Variants in ODAD2 observed in about 807,000 individuals in gnomAD.
The protein encoded by ODAD2 is outer dynein arm docking complex subunit 2, also known as outer dynein arm-docking complex subunit 2.
Under a neutral mutation model 106.8 loss-of-function variants are expected in ODAD2, and 89 were observed. The observed-to-expected ratio is 0.83, with a 90% CI of 0.70 to 0.99. The LOEUF (loss-of-function observed/expected upper bound fraction) is 0.99. ODAD2 is among the 50% of genes least tolerant of loss of function. ODAD2 has a pLI of 0.00. For synonymous variants in ODAD2, 404 were observed against 436.2 expected, an observed-to-expected ratio of 0.93 and a Z score of 0.92; for missense variants, 1,168 against 1,238.5, an observed-to-expected ratio of 0.94 and a Z score of 0.85.
chr10:27,845,550 G>A (rs1174976042), intron 19 of ODAD2, among the ~76,000 whole-genome samples: 3 of 152,138 alleles, frequency 2.0e-5, no homozygotes, highest in African/African-American at 7.2e-5. Context: ...CACAATGACA[G>A]GATCAAATTC....
intron 1 of ODAD2, among the ~76,000 whole-genome samples, chr10:27,998,314 G>C (rs890240115): frequency 6.6e-6 from 1 of 152,134 alleles, no homozygotes; most frequent in African/African-American, 2.4e-5. Flanking sequence ...AGCCTAGTGT[G>C]GGATGACGGC....
At position 27,812,745 on chromosome 10, in the gene ODAD2, A is replaced by G. The variant is rs1055284196; in HGVS notation, c.3022-120T>C. ...ATTTTTTTAAAACCACCAAAAAAGC[A>G]TAAGAAATTCCATTTAAGCAAATAC... is the stretch of plus-strand genomic sequence containing the variant. On this transcript the variant is annotated intron_variant, in intron 19 of 19. Transcript: ENST00000305242. The G allele has an allele frequency of 4.4e-6, 6 of 1,359,898 alleles. No homozygotes were observed. In the African/African-American group the frequency reaches 7.5e-5, roughly 17 times the overall value. The allele number at this position is 1,359,898 out of a possible 1,614,324, so 84.2% of individuals were successfully genotyped here. A position where few individuals can be genotyped will look rare whatever the true frequency, so the allele number is the denominator to read the frequency against.
At chr10:27,913,838 T>C (rs553737845) in intron 16 of ODAD2, among the ~76,000 whole-genome samples, 11 of 152,274 alleles carry the variant, frequency 7.2e-5, no homozygotes, top group Non-Finnish European at 1.2e-4. Flanking sequence ...AAATAACAGA[T>C]GCTGGCAAGG....
At chr10:27,945,048 A>T in intron 10 of ODAD2, 86 bp from the exon 11 acceptor site, 1 of 1,494,840 alleles carries the variant, frequency 6.7e-7, no homozygotes, top group Non-Finnish European at 9.2e-7. Context: ...CATGAACTGG[A>T]AAACATGTCT....
At chr10:27,908,389 A>G (rs940576702) in intron 16 of ODAD2, among the ~76,000 whole-genome samples, 1 of 152,218 alleles carries the variant, frequency 6.6e-6, no homozygotes, top group Admixed American at 6.5e-5. Flanking sequence ...CTTCATGACT[A>G]GCTGAAAAAT....
intron 17 of ODAD2, among the ~76,000 whole-genome samples, chr10:27,885,759 T>A (rs1474344744): frequency 1.0e-4 from 3 of 30,104 alleles, no homozygotes; most frequent in Non-Finnish European, 2.1e-4. Context: ...TAATATATAT[T>A]TTATATATAT....
chr10:27,922,978 TAAG>T (rs111989495), intron 16 of ODAD2, among the ~76,000 whole-genome samples: 24,314 of 151,582 alleles, frequency 0.16, 2,932 homozygotes, highest in African/African-American at 0.34. Flanking sequence ...AATGATTAAA[TAAG>T]AAGGAGGATG....
intron 17 of ODAD2, among the ~76,000 whole-genome samples, chr10:27,889,226 G>A (rs1842413160): frequency 6.6e-6 from 1 of 152,144 alleles, no homozygotes; most frequent in Non-Finnish European, 1.5e-5. Context: ...GATCAAGTTG[G>A]ACCCAACCTT....
chr10:27,928,686 C>T (rs1338866228), intron 16 of ODAD2, among the ~76,000 whole-genome samples: 3 of 152,076 alleles, frequency 2.0e-5, no homozygotes, highest in Non-Finnish European at 4.4e-5. Context: ...AATCAAGAGG[C>T]AAAATCATCT....
rs189079116 is a variant in ODAD2, at chr10:27,879,481, C to T, written c.2611-16859G>A. On this transcript the variant is annotated intron_variant, in intron 17 of 19. Transcript: ENST00000305242. The stretch of plus-strand genomic sequence containing the variant: ...ATGTATATATATTTAAATGTCTTTC[C>T]TGCTTATACTCAGTAACCCACAGAT... 1.7e-4 allele frequency among the ~76,000 whole-genome samples: 25 copies of T among 151,492 alleles called. 1 individual carries two copies. The East Asian group carries it at 4.8e-3, about 29-fold the overall frequency.
chr10:27,897,154 C>A (rs553100656), intron 17 of ODAD2, among the ~76,000 whole-genome samples: 74 of 152,174 alleles, frequency 4.9e-4, no homozygotes, highest in African/African-American at 1.7e-3. Flanking sequence ...GTTTTCCCAT[C>A]CCCTTCCCAC....
At chr10:27,914,515 T>A (rs747698616) in intron 16 of ODAD2, among the ~76,000 whole-genome samples, 1 of 152,142 alleles carries the variant, frequency 6.6e-6, no homozygotes, top group African/African-American at 2.4e-5. Flanking sequence ...CTTGACATTA[T>A]TCTATGAAAA....
At chr10:27,929,882 T>A (rs976326045) in intron 16 of ODAD2, among the ~76,000 whole-genome samples, 1 of 152,152 alleles carries the variant, frequency 6.6e-6, no homozygotes, top group Non-Finnish European at 1.5e-5. Context: ...TGGTCTTTTT[T>A]ATGTCAATAT....
chr10:27,817,419 A>G (rs1196864071), intron 19 of ODAD2, among the ~76,000 whole-genome samples: 3 of 152,306 alleles, frequency 2.0e-5, no homozygotes, highest in East Asian at 1.9e-4. Flanking sequence ...ACAGTGGTGA[A>G]GTCTGGGCTT....
intron 19 of ODAD2, among the ~76,000 whole-genome samples, chr10:27,830,211 C>A (rs139234153): frequency 6.6e-6 from 1 of 152,098 alleles, no homozygotes; most frequent in Admixed American, 6.5e-5. Flanking sequence ...CCTGGTTTCC[C>A]GGAATGTCTT....
intron 17 of ODAD2, among the ~76,000 whole-genome samples, chr10:27,898,461 AG>A (rs1258631652): frequency 6.6e-6 from 1 of 152,120 alleles, no homozygotes; most frequent in African/African-American, 2.4e-5. Flanking sequence ...CAGTTCTGCT[AG>A]TTCATGTGGG....
intron 10 of ODAD2, among the ~76,000 whole-genome samples, chr10:27,946,387 T>C (rs527250123): frequency 6.6e-6 from 1 of 151,762 alleles, no homozygotes; most frequent in Non-Finnish European, 1.5e-5. Flanking sequence ...AAGTTTTTAA[T>C]TTTTAAAAAT....
At chr10:27,890,185 T>C (rs1324763623) in intron 17 of ODAD2, among the ~76,000 whole-genome samples, 1 of 152,030 alleles carries the variant, frequency 6.6e-6, no homozygotes, top group African/African-American at 2.4e-5. Flanking sequence ...GGGAGCCTGA[T>C]GGGGTCACAG....
At chr10:27,959,819 T>C (rs1847998353) in intron 10 of ODAD2, among the ~76,000 whole-genome samples, 1 of 152,156 alleles carries the variant, frequency 6.6e-6, no homozygotes, top group African/African-American at 2.4e-5. Context: ...GAATCATTTT[T>C]TGTGGTAGAG....
Sources: allele counts gnomAD v4.1 joint callset (sites outside exome capture counted in the v4.1 genomes callset), GRCh38; gene constraint gnomAD v4.1.1; transcripts MANE v1.5; gene names NCBI Gene and HGNC (gene_info 2026-07-23, HGNC 2026-07-21).